KLRG1: variants seen among roughly 807,000 people sequenced by gnomAD.
KLRG1 encodes killer cell lectin like receptor G1.
Under a neutral mutation model 21.8 loss-of-function variants are expected in KLRG1, and 16 were observed. The observed-to-expected ratio is 0.73, with a 90% CI of 0.50 to 1.11. The LOEUF (loss-of-function observed/expected upper bound fraction) is 1.11, where lower values mean the gene tolerates loss of function less well. KLRG1 is among the 50% of genes most tolerant of loss of function. The pLI, the probability that KLRG1 is intolerant of heterozygous loss-of-function variation, is 0.00. For missense variants in KLRG1, 173 were observed against 218.3 expected, an observed-to-expected ratio of 0.79 and a Z score of 1.31; for synonymous variants, 69 against 75.9, an observed-to-expected ratio of 0.91 and a Z score of 0.47.
At chr12:9,112,957 G>C in the KLRG1 span, among the ~76,000 whole-genome samples, 2 of 152,082 alleles carry the variant, frequency 1.3e-5, no homozygotes, top group Non-Finnish European at 2.9e-5. Flanking sequence ...TTACACCTTT[G>C]CTCAGGGTAA....
chr12:9,106,435 G>A, the KLRG1 span: 75 of 1,430,662 alleles, frequency 5.2e-5, no homozygotes, highest in Non-Finnish European at 5.1e-5. Flanking sequence ...TTCATTATTT[G>A]GCTAAGAAAA....
At chr12:9,158,765 T>C in the KLRG1 span, among the ~76,000 whole-genome samples, 1 of 149,338 alleles carries the variant, frequency 6.7e-6, no homozygotes, top group East Asian at 1.9e-4. Flanking sequence ...TTCTTTTTTT[T>C]TTTTTTTTTG....
the KLRG1 span, among the ~76,000 whole-genome samples, chr12:9,048,560 CA>C: frequency 6.6e-6 from 1 of 152,078 alleles, no homozygotes; most frequent in Non-Finnish European, 1.5e-5. Flanking sequence ...GTTCAGCATT[CA>C]AAAATCATTT....
At chr12:9,116,501 C>T in the KLRG1 span, among the ~76,000 whole-genome samples, 1 of 152,270 alleles carries the variant, frequency 6.6e-6, no homozygotes, top group East Asian at 1.9e-4. Flanking sequence ...GAAAGTGAAA[C>T]AAAGAAACGT....
chr12:9,132,135 C>A, the KLRG1 span, among the ~76,000 whole-genome samples: 8 of 152,260 alleles, frequency 5.3e-5, no homozygotes, highest in African/African-American at 1.9e-4. Context: ...AAGTAACAAG[C>A]AGGGGGATGA....
the KLRG1 span, chr12:9,164,102 T>C: frequency 2.5e-6 from 4 of 1,591,614 alleles, no homozygotes; most frequent in African/African-American, 1.3e-5. Flanking sequence ...TCCTTGTTGA[T>C]TGATAGGCCC....
the KLRG1 span, among the ~76,000 whole-genome samples, chr12:9,041,291 C>T: frequency 4.5e-4 from 68 of 152,278 alleles, no homozygotes; most frequent in African/African-American, 1.4e-3. Flanking sequence ...GCTGAGATCG[C>T]GCCTCTGCAG....
the KLRG1 span, among the ~76,000 whole-genome samples, chr12:9,071,272 A>G: frequency 1.7e-4 from 26 of 152,250 alleles, 2 homozygotes; most frequent in East Asian, 5.0e-3. Context: ...AGTCTACATT[A>G]TTTACAAAAA....
At chr12:9,066,866 C>T in the KLRG1 span, 1 of 152,160 alleles carries the variant, frequency 6.6e-6, no homozygotes, top group African/African-American at 2.4e-5. Context: ...AGTAGGACTC[C>T]TACGATTGTC....
the KLRG1 span, chr12:9,197,186 T>G: frequency 5.6e-6 from 6 of 1,069,682 alleles, no homozygotes; most frequent in Non-Finnish European, 8.6e-6. Flanking sequence ...CTACCACTCC[T>G]CCACAGAACT....
At chr12:9,045,591 A>G in the KLRG1 span, among the ~76,000 whole-genome samples, 5 of 152,246 alleles carry the variant, frequency 3.3e-5, no homozygotes, top group African/African-American at 1.2e-4. Context: ...TAAAATAATG[A>G]TTATTATGCT....
chr12:9,194,462 G>GT, the KLRG1 span, among the ~76,000 whole-genome samples: 248 of 90,766 alleles, frequency 2.7e-3, 3 homozygotes, highest in Middle Eastern at 0.016. Context: ...AAGTCAGGGA[G>GT]TTTTTTTTTT....
chr12:9,069,261 A>G, the KLRG1 span, among the ~76,000 whole-genome samples: 1 of 152,214 alleles, frequency 6.6e-6, no homozygotes, highest in Admixed American at 6.5e-5. Context: ...TATAATTCCC[A>G]TCAACTTATG....
At chr12:9,137,345 G>A in the KLRG1 span, among the ~76,000 whole-genome samples, 1 of 151,970 alleles carries the variant, frequency 6.6e-6, no homozygotes, top group African/African-American at 2.4e-5. Context: ...CCTTTTATGG[G>A]TGCATTTATT....
the KLRG1 span, among the ~76,000 whole-genome samples, chr12:9,184,910 G>A: frequency 9.6e-3 from 1,468 of 152,202 alleles, 13 homozygotes; most frequent in Non-Finnish European, 0.015. Flanking sequence ...CATCGAATAG[G>A]ATAAAAGGAA....
In KLRG1 at chr12:8,957,943, G is replaced by T. The variant is rs769930010; in HGVS notation, c.-156+7707G>T. On this transcript the variant is annotated intron_variant, in intron 1 of 4. Coordinates refer to the KLRG1 transcript ENST00000539240. Reference sequence around the variant, plus strand: ...AACTGAAATTGTAGAAAGCACACCTGCAGATAAGGGTGGGGAACTATCGTA... The same window carrying T: ...AACTGAAATTGTAGAAAGCACACCTTCAGATAAGGGTGGGGAACTATCGTA... 5.9e-5 allele frequency among the ~76,000 whole-genome samples: 9 copies of T among 152,340 alleles called. No individual in the cohort carries two copies. The South Asian group carries it at 1.9e-3, about 32-fold the overall frequency.
the KLRG1 span, chr12:9,104,529 GA>G: frequency 4.1e-5 from 35 of 856,360 alleles, 1 homozygote; most frequent in Admixed American, 6.4e-5. Context: ...ACACAGCAGT[GA>G]AAAAAAACGA....
At chr12:9,040,216 C>T in the KLRG1 span, among the ~76,000 whole-genome samples, 6 of 152,324 alleles carry the variant, frequency 3.9e-5, no homozygotes, top group South Asian at 1.2e-3. Context: ...AGACTCATTA[C>T]AGAATCACAC....
chr12:9,172,801 A>G, the KLRG1 span, among the ~76,000 whole-genome samples: 1 of 152,246 alleles, frequency 6.6e-6, no homozygotes, highest in Non-Finnish European at 1.5e-5. Context: ...TATGCATCCA[A>G]TACAGAAGCA....
Sources: allele counts gnomAD v4.1 joint callset (sites outside exome capture counted in the v4.1 genomes callset), GRCh38; gene constraint gnomAD v4.1.1; transcripts MANE v1.5; gene names NCBI Gene and HGNC (gene_info 2026-07-23, HGNC 2026-07-21).